The following FOCAD variants were observed in gnomAD, a reference collection of about 807,000 sequenced individuals.
FOCAD encodes focadhesin, also known as KIAA1797.
In FOCAD, 198 loss-of-function variants were observed where a neutral mutation model predicts 225.6. The ratio of observed to expected loss-of-function variants is 0.88; its 90% CI spans 0.78 to 0.99. The LOEUF is 0.99. Ranked by LOEUF, FOCAD falls within the 50% of genes least tolerant of loss-of-function variation. The pLI is 0.00. For synonymous variants in FOCAD, 897 were observed against 755.0 expected, an observed-to-expected ratio of 1.19 and a Z score of -3.08; for missense variants, 2,713 against 2,123.6, an observed-to-expected ratio of 1.28 and a Z score of -5.46.
intron 6 of FOCAD, 139 bp from the exon 7 acceptor site, chr9:20,764,730 A>T: frequency 1.4e-6 from 1 of 694,572 alleles, no homozygotes; most frequent in African/African-American, 1.8e-5. Flanking sequence ...ATAGCGGAAT[A>T]GAAGAATCAT....
At chr9:20,850,191 A>G (rs561577068) in intron 15 of FOCAD, among the ~76,000 whole-genome samples, 2 of 151,814 alleles carry the variant, frequency 1.3e-5, no homozygotes, top group South Asian at 4.1e-4. Flanking sequence ...TTATAGAGGC[A>G]TATGAGAGGT....
intron 19 of FOCAD, among the ~76,000 whole-genome samples, chr9:20,881,620 A>T (rs1283233193): frequency 2.0e-5 from 3 of 152,206 alleles, no homozygotes; most frequent in Admixed American, 2.0e-4. Context: ...TGAAGGTGGA[A>T]TCAGAAGGAC....
intron 25 of FOCAD, among the ~76,000 whole-genome samples, chr9:20,924,611 T>G (rs1007755132): frequency 2.1e-4 from 32 of 152,328 alleles, no homozygotes; most frequent in Admixed American, 2.1e-3. Context: ...CTGTCCTCAA[T>G]GAGTATCTTA....
intron 4 of FOCAD, among the ~76,000 whole-genome samples, chr9:20,738,945 A>T (rs568500587): frequency 6.6e-6 from 1 of 152,280 alleles, no homozygotes; most frequent in Non-Finnish European, 1.5e-5. Flanking sequence ...TTTGTGTCCC[A>T]AAGTCTTTTA....
chr9:20,753,851 A>C (rs1828796985), intron 5 of FOCAD, among the ~76,000 whole-genome samples: 1 of 151,942 alleles, frequency 6.6e-6, no homozygotes, highest in African/African-American at 2.4e-5. Flanking sequence ...AAACTTGTAT[A>C]GGTTATTGTC....
intron 29 of FOCAD, among the ~76,000 whole-genome samples, chr9:20,945,824 T>C (rs1052089233): frequency 9.9e-5 from 15 of 152,226 alleles, no homozygotes; most frequent in Admixed American, 7.9e-4. Flanking sequence ...AAACCACTTA[T>C]ATTTTTCATG....
Position 20,923,741 on chromosome 9 carries a change from C to G in FOCAD, c.2934C>G (p.Leu978=). The stretch of plus-strand genomic sequence containing the variant: ...TCGTATCTAGACATGAAGCCAGCCT[C>G]TCCTCAGACTCTGACGGGCTCCTGG... The part of the protein sequence containing the change: ...AVVVSRHEAS[L]SSDSDGLLEV... Residue 978 remains leucine, a synonymous_variant, in exon 25 of 44, where the codon CTC becomes CTG. Coordinates refer to ENST00000338382, the MANE Select transcript of FOCAD (RefSeq NM_001375567.1). 1 of 1,613,918 alleles carries G rather than the reference C, an allele frequency of 6.2e-7. No individual in the cohort carries two copies. The highest frequency in any genetic ancestry group is 8.5e-7 in the Non-Finnish European group (1 of 1,179,870).
At chr9:20,749,609 T>A (rs915698268) in intron 5 of FOCAD, among the ~76,000 whole-genome samples, 1 of 152,154 alleles carries the variant, frequency 6.6e-6, no homozygotes, top group African/African-American at 2.4e-5. Context: ...AAATGCATAT[T>A]TGATGTAGTA....
At chr9:20,870,748 G>C (rs781344679) in intron 18 of FOCAD, among the ~76,000 whole-genome samples, 1 of 152,154 alleles carries the variant, frequency 6.6e-6, no homozygotes, top group African/African-American at 2.4e-5. Context: ...AGTGTTCTGA[G>C]CACACTTAAG....
chr9:20,765,914 C>A (rs1054935538), intron 7 of FOCAD, among the ~76,000 whole-genome samples: 1 of 152,158 alleles, frequency 6.6e-6, no homozygotes, highest in African/African-American at 2.4e-5. Context: ...ACATGACCTG[C>A]TTTAAGTTTG....
At chr9:20,977,449 G>T (rs1840319031) in intron 36 of FOCAD, among the ~76,000 whole-genome samples, 1 of 152,098 alleles carries the variant, frequency 6.6e-6, no homozygotes, top group African/African-American at 2.4e-5. Flanking sequence ...TTCATCCACA[G>T]CAACCTATTT....
intron 15 of FOCAD, among the ~76,000 whole-genome samples, chr9:20,857,091 A>G (rs1828262926): frequency 6.6e-6 from 1 of 151,954 alleles, no homozygotes; most frequent in African/African-American, 2.4e-5. Flanking sequence ...GTTTCTGTAT[A>G]AATTTTAGCA....
At chr9:20,985,519 G>C (rs1254755762) in intron 39 of FOCAD, among the ~76,000 whole-genome samples, 1 of 152,142 alleles carries the variant, frequency 6.6e-6, no homozygotes, top group Admixed American at 6.5e-5. Context: ...AAAATAATCT[G>C]TCAAATACCC....
Position 20,778,704 on chromosome 9 carries a change from A to G in FOCAD, c.930A>G (p.Ile310Met), listed in dbSNP as rs1284555749. The G allele has an allele frequency of 4.3e-6, 7 of 1,611,420 alleles. No homozygotes were observed. The highest frequency in any genetic ancestry group is 5.9e-6 in the Non-Finnish European group (7 of 1,178,094). The change falls in exon 9 of 44, where the codon ATA becomes ATG. Residue 310 changes from isoleucine (I) to methionine (M), a missense_variant. By Grantham distance (10) the Ile-to-Met change is conservative. Transcript: ENST00000338382. ...AGGATTTTCCTGTTGAACTGGTCATAATTGGAATAGCTTTACTACTTCTAC... is the reference window on the plus strand; with the variant it reads ...AGGATTTTCCTGTTGAACTGGTCATGATTGGAATAGCTTTACTACTTCTAC... ...LKEDFPVELVIIGIALLLLQT... is the reference protein window; with the variant it reads ...LKEDFPVELVMIGIALLLLQT...
intron 5 of FOCAD, among the ~76,000 whole-genome samples, chr9:20,750,250 T>G (rs1349701525): frequency 6.6e-6 from 1 of 152,104 alleles, no homozygotes; most frequent in Non-Finnish European, 1.5e-5. Flanking sequence ...ATGTGATAAT[T>G]ACGTTTATTG....
chr9:20,814,207 G>A (rs532789021), intron 11 of FOCAD, among the ~76,000 whole-genome samples: 1 of 152,008 alleles, frequency 6.6e-6, no homozygotes, highest in Non-Finnish European at 1.5e-5. Flanking sequence ...TGGTAGGAAA[G>A]GACTTACTAT....
rs1360053947 is a variant in FOCAD at position 20,878,506 on chromosome 9, G to A, written c.2318-3365G>A. Among the ~76,000 whole-genome samples, 3 of 152,226 alleles carry A rather than the reference G, an allele frequency of 2.0e-5. No individual in the cohort carries two copies. In the East Asian group the frequency reaches 5.8e-4, roughly 29 times the overall value. ...ACTTCTTTCACCATTAAGTAGCCTTGTACACATAACTTATCACAACCCCTT... is the reference window on the plus strand; with the variant it reads ...ACTTCTTTCACCATTAAGTAGCCTTATACACATAACTTATCACAACCCCTT... On this transcript the variant is annotated intron_variant, in intron 19 of 43. Transcript: ENST00000338382.
At position 20,820,934 on chromosome 9, in the gene FOCAD, T is replaced by A. The variant is rs1408083005; in HGVS notation, c.1663-7T>A. 5 of 1,606,342 alleles carry A rather than the reference T, an allele frequency of 3.1e-6. No homozygotes were observed. The highest frequency in any genetic ancestry group is 4.2e-6 in the Non-Finnish European group (5 of 1,176,818). On this transcript the variant is annotated splice_polypyrimidine_tract_variant and splice_region_variant and intron_variant, in intron 13 of 43. Transcript: ENST00000338382. Reference sequence around the variant, plus strand: ...AAACTACCTTTTTTGTAAAATTGCCTTCGTAGGACCGAGTCTATCCTGAAC... The same window carrying A: ...AAACTACCTTTTTTGTAAAATTGCCATCGTAGGACCGAGTCTATCCTGAAC...
At chr9:20,693,164 C>T (rs1251947940) in intron 1 of FOCAD, among the ~76,000 whole-genome samples, 1 of 152,164 alleles carries the variant, frequency 6.6e-6, no homozygotes, top group Admixed American at 6.6e-5. Flanking sequence ...CCATTTACAG[C>T]CACTCTCTCT....
Sources: allele counts gnomAD v4.1 joint callset (sites outside exome capture counted in the v4.1 genomes callset), GRCh38; gene constraint gnomAD v4.1.1; transcripts MANE v1.5; gene names NCBI Gene and HGNC (gene_info 2026-07-23, HGNC 2026-07-21).